Variants in GLYATL2 observed in about 807,000 individuals in gnomAD.
The protein encoded by GLYATL2 is glycine-N-acyltransferase like 2, also known as glycine N-acyltransferase-like protein 2.
A neutral mutation model predicts 21.4 loss-of-function variants in GLYATL2; 25 were observed. The observed-to-expected ratio is 1.17, with a 90% confidence interval of 0.85 to 1.63. The LOEUF is 1.63. GLYATL2 is among the 40% of genes most tolerant of loss of function. The pLI is 0.00. For missense variants in GLYATL2, 361 were observed against 343.3 expected (o/e 1.05, Z -0.41); for synonymous variants, 114 against 118.2 (o/e 0.96, Z 0.23).
intron 1 of GLYATL2, among the ~76,000 whole-genome samples, chr11:58,899,294 A>G (rs551616440): frequency 1.3e-4 from 20 of 152,056 alleles, no homozygotes; most frequent in Non-Finnish European, 1.8e-4. Context: ...GTACAGGGCA[A>G]AGCTGTCTCC....
rs913810930 is a variant in GLYATL2, at chr11:58,867,957, G to A, written n.61-29589C>T. Among the ~76,000 whole-genome samples, 5 of 148,756 alleles carry A rather than the reference G, an allele frequency of 3.4e-5. 1 individual carries two copies. The highest frequency in any genetic ancestry group is 2.2e-4 in the South Asian group (1 of 4,640). ...TTACCCCACTGCATCCCATAAGCAC[G>A]GGCTGAGTTTTAGAGACACTCCAGA... On this transcript the variant is annotated intron_variant and non_coding_transcript_variant, in intron 1 of 4. Coordinates refer to the GLYATL2 transcript ENST00000533636.
At chr11:58,856,675 G>A (rs1021836877) in intron 1 of GLYATL2, among the ~76,000 whole-genome samples, 7 of 152,116 alleles carry the variant, frequency 4.6e-5, no homozygotes, top group South Asian at 2.1e-4. Context: ...GTCTGGGAAC[G>A]GTCATTAGGT....
At chr11:58,849,926 A>G (rs1853710117) in intron 1 of GLYATL2, among the ~76,000 whole-genome samples, 1 of 152,180 alleles carries the variant, frequency 6.6e-6, no homozygotes. Flanking sequence ...CCCAGAACTT[A>G]AAGTATAATT....
chr11:58,893,763 A>G (rs774542364), intron 1 of GLYATL2, among the ~76,000 whole-genome samples: 6 of 152,150 alleles, frequency 3.9e-5, no homozygotes, highest in Non-Finnish European at 7.4e-5. Flanking sequence ...GGGAATCAGA[A>G]CTCTTTATGA....
chr11:58,893,112 G>A, intron 1 of GLYATL2: 1 of 403,594 alleles, frequency 2.5e-6, no homozygotes, highest in Non-Finnish European at 4.7e-6. Flanking sequence ...ACAACTGGAG[G>A]CGAGGGAAGA....
chr11:58,876,078 G>A (rs1049648198), intron 1 of GLYATL2, among the ~76,000 whole-genome samples: 11 of 151,938 alleles, frequency 7.2e-5, no homozygotes, highest in African/African-American at 2.2e-4. Context: ...CCAGTTGATC[G>A]CATCGGTTAC....
intron 1 of GLYATL2, among the ~76,000 whole-genome samples, chr11:58,871,732 T>C (rs1462010298): frequency 4.6e-5 from 7 of 152,158 alleles, no homozygotes; most frequent in Non-Finnish European, 7.3e-5. Context: ...TGAATAGTGC[T>C]GCAATAAACA....
intron 1 of GLYATL2, among the ~76,000 whole-genome samples, chr11:58,886,144 G>A (rs183887337): frequency 2.6e-5 from 4 of 152,280 alleles, no homozygotes; most frequent in Admixed American, 1.3e-4. Context: ...TGAGCCCCAG[G>A]AGGTCGAGGT....
At chr11:58,859,435 A>G (rs1853893224) in intron 1 of GLYATL2, among the ~76,000 whole-genome samples, 1 of 152,184 alleles carries the variant, frequency 6.6e-6, no homozygotes, top group Non-Finnish European at 1.5e-5. Flanking sequence ...AGAGAGAGAA[A>G]GATCTATTCA....
chr11:58,841,088 A>T (rs956309349), intron 1 of GLYATL2, among the ~76,000 whole-genome samples: 1 of 152,104 alleles, frequency 6.6e-6, no homozygotes, highest in Non-Finnish European at 1.5e-5. Flanking sequence ...CTTGAAGACA[A>T]TATATAAGAA....
chr11:58,895,269 G>T (rs928479039), intron 1 of GLYATL2, among the ~76,000 whole-genome samples: 11 of 152,190 alleles, frequency 7.2e-5, no homozygotes, highest in Non-Finnish European at 1.5e-5. Flanking sequence ...AGAGCACAAG[G>T]TAAGTCCAAA....
chr11:58,900,829 C>T (rs1238735943), intron 1 of GLYATL2, among the ~76,000 whole-genome samples: 1 of 152,170 alleles, frequency 6.6e-6, no homozygotes, highest in African/African-American at 2.4e-5. Flanking sequence ...TTCATGGAAG[C>T]TACCATTGGC....
At chr11:58,839,818 A>G (rs1283915856) in intron 1 of GLYATL2, among the ~76,000 whole-genome samples, 166 bp from the exon 2 acceptor site, 5 of 152,260 alleles carry the variant, frequency 3.3e-5, no homozygotes, top group African/African-American at 1.2e-4. Flanking sequence ...ATTAAAGCTC[A>G]GAGGTGTAAC....
At chr11:58,845,409 A>C (rs1175120058), upstream of GLYATL2, among the ~76,000 whole-genome samples, 1 of 152,184 alleles carries the variant, frequency 6.6e-6, no homozygotes, top group Non-Finnish European at 1.5e-5. Flanking sequence ...GATACAAGCC[A>C]GGGCGACCTA....
At chr11:58,842,252 T>A (rs1413292878) in intron 1 of GLYATL2, among the ~76,000 whole-genome samples, 1 of 152,168 alleles carries the variant, frequency 6.6e-6, no homozygotes, top group Non-Finnish European at 1.5e-5. Context: ...CTTCTTTCAG[T>A]GAAAAGTCAG....
At chr11:58,882,278 T>C (rs1439048030) in intron 1 of GLYATL2, among the ~76,000 whole-genome samples, 1 of 152,220 alleles carries the variant, frequency 6.6e-6, no homozygotes. Flanking sequence ...CCATTCTAAC[T>C]GGTGTGAGAT....
At chr11:58,839,401 A>G (rs887257083) in intron 2 of GLYATL2, 134 bp downstream of exon 2, 62 of 490,792 alleles carry the variant, frequency 1.3e-4, no homozygotes, top group Non-Finnish European at 2.2e-4. Flanking sequence ...CTGGATATTG[A>G]TATTAAAGTA....
intron 1 of GLYATL2, among the ~76,000 whole-genome samples, chr11:58,860,091 G>T (rs1030974654): frequency 6.6e-6 from 1 of 152,012 alleles, no homozygotes; most frequent in African/African-American, 2.4e-5. Flanking sequence ...GATTGATTTT[G>T]TTCTTAGGGA....
intron 1 of GLYATL2, among the ~76,000 whole-genome samples, chr11:58,858,706 G>A (rs186730675): frequency 1.3e-5 from 2 of 152,298 alleles, no homozygotes; most frequent in Admixed American, 1.3e-4. Context: ...CCAGATTACA[G>A]CAACATGAAG....
Sources: gnomAD v4.1 joint callset for allele counts (sites outside exome capture counted in the v4.1 genomes callset) on GRCh38, gnomAD v4.1.1 for gene constraint, MANE v1.5 for transcripts, NCBI Gene and HGNC (gene_info 2026-07-23, HGNC 2026-07-21) for gene names.